The following TENM1 variants were observed in gnomAD, a reference collection of about 807,000 sequenced individuals.
TENM1 encodes teneurin-1.
A neutral mutation model predicts 174.8 loss-of-function variants in TENM1; 35 were observed. The ratio of observed to expected loss-of-function variants is 0.20; its 90% CI spans 0.15 to 0.27. TENM1 has a LOEUF of 0.27. Among genes scored for constraint, TENM1 ranks in the 10% least tolerant of loss-of-function variants. TENM1 has a pLI of 1.00. For synonymous variants in TENM1, 781 were observed against 798.7 expected (o/e 0.98, Z 0.37); for missense variants, 1,633 against 2,130.1 (o/e 0.77, Z 4.59).
chrX:124,395,854 T>C (rs1420418319), intron 27 of TENM1, among the ~76,000 whole-genome samples: 1 of 112,226 alleles, frequency 8.9e-6, no homozygotes, highest in Non-Finnish European at 1.9e-5. Context: ...GTTGTAACTG[T>C]TGCAATTTAT....
At chrX:124,385,716 G>A (rs143283121) in exon 29 of TENM1, 8 of 1,201,253 alleles carry the variant, frequency 6.7e-6, no homozygotes, top group Non-Finnish European at 9.0e-6. Flanking sequence ...AATCCGTCAT[G>A]CATCAGGTGT....
At chrX:124,526,641 G>A (rs1487542679) in intron 16 of TENM1, among the ~76,000 whole-genome samples, 2 of 112,369 alleles carry the variant, frequency 1.8e-5, no homozygotes, top group Non-Finnish European at 3.8e-5. Flanking sequence ...TAAGTCATAT[G>A]AGAGTGGATA....
rs2047704358 is a variant in TENM1, at chrX:124,516,382, A to G, written c.3301+4135T>C. Among the ~76,000 whole-genome samples, 3 of 112,381 alleles carry G rather than the reference A, an allele frequency of 2.7e-5. No homozygotes were observed. The South Asian group carries it at 1.1e-3, about 42-fold the overall frequency. On this transcript the variant is annotated intron_variant, in intron 18 of 31. Coordinates refer to ENST00000422452, the Ensembl canonical transcript of TENM1. Reference sequence around the variant, plus strand: ...TAACAAAATTTAAGAGCTTATGCACAGCAAAAGAAACTATCAAGAGAGTAA... The same window carrying G: ...TAACAAAATTTAAGAGCTTATGCACGGCAAAAGAAACTATCAAGAGAGTAA...
rs190331643 is a variant in TENM1, at chrX:124,835,518, A to G, written c.535+58778T>C. Among the ~76,000 whole-genome samples the G allele has an allele frequency of 5.9e-3, 659 of 111,845 alleles. 3 individuals are homozygous for G. Among genetic ancestry groups the G allele is most frequent in the Non-Finnish European group, 9.6e-3 (513 of 53,193 alleles). ...TAGTTGATATTTATAAATGTTTTATATATGTATTACAAAATGTTAAAATAC... is the reference window on the plus strand; with the variant it reads ...TAGTTGATATTTATAAATGTTTTATGTATGTATTACAAAATGTTAAAATAC... On this transcript the variant is annotated intron_variant, in intron 3 of 31. Coordinates refer to ENST00000422452, the Ensembl canonical transcript of TENM1.
the TENM1 span, among the ~76,000 whole-genome samples, chrX:125,081,627 C>T: frequency 9.0e-6 from 1 of 111,199 alleles, no homozygotes; most frequent in Non-Finnish European, 1.9e-5. Context: ...AATAGAACTA[C>T]CATTGGAGCC....
chrX:124,874,080 T>C (rs374925660), intron 3 of TENM1, among the ~76,000 whole-genome samples: 4 of 111,835 alleles, frequency 3.6e-5, no homozygotes, highest in African/African-American at 9.7e-5. Flanking sequence ...CAAACAGTGC[T>C]AAGTGAATAT....
At chrX:124,709,207 C>T (rs1418769405) in intron 4 of TENM1, among the ~76,000 whole-genome samples, 1 of 111,684 alleles carries the variant, frequency 9.0e-6, no homozygotes, top group East Asian at 2.8e-4. Context: ...TTATTACAGT[C>T]GATATCTCTA....
chrX:125,015,974 C>T, the TENM1 span, among the ~76,000 whole-genome samples: 1 of 111,619 alleles, frequency 9.0e-6, no homozygotes, highest in Middle Eastern at 4.7e-3. Context: ...TCTCAAGGAG[C>T]TCATAGTCCA....
chrX:124,500,524 A>G (rs1183152396), intron 19 of TENM1, among the ~76,000 whole-genome samples: 1 of 111,803 alleles, frequency 8.9e-6, no homozygotes, highest in Non-Finnish European at 1.9e-5. Context: ...AAGGGAATCC[A>G]ATGATCCTAG....
chrX:125,200,282 C>T, the TENM1 span, among the ~76,000 whole-genome samples: 1 of 111,543 alleles, frequency 9.0e-6, no homozygotes, highest in East Asian at 2.8e-4. Flanking sequence ...ATCTAACACT[C>T]AGAAGCTGTA....
the TENM1 span, among the ~76,000 whole-genome samples, chrX:125,156,904 G>T: frequency 8.9e-6 from 1 of 112,485 alleles, no homozygotes; most frequent in Admixed American, 9.4e-5. Context: ...GCTCTCTACC[G>T]ATTCTAGAGA....
the TENM1 span, among the ~76,000 whole-genome samples, chrX:125,074,931 G>A: frequency 8.9e-6 from 1 of 112,050 alleles, no homozygotes; most frequent in East Asian, 2.8e-4. Context: ...ACTGTTAGTT[G>A]AGCATTTATT....
intron 20 of TENM1, among the ~76,000 whole-genome samples, chrX:124,495,643 C>T (rs184476045): frequency 0.032 from 3,464 of 109,408 alleles, 49 homozygotes; most frequent in East Asian, 0.095. Flanking sequence ...TTTTATGGTG[C>T]TAGGAATCCA....
the TENM1 span, among the ~76,000 whole-genome samples, chrX:125,183,369 T>C: frequency 8.5e-3 from 954 of 111,815 alleles, 10 homozygotes; most frequent in African/African-American, 0.028. Context: ...TGGTTATTTG[T>C]TCTCAGGCAC....
At chrX:125,173,506 A>G in the TENM1 span, among the ~76,000 whole-genome samples, 29 of 111,104 alleles carry the variant, frequency 2.6e-4, no homozygotes, top group African/African-American at 9.1e-4. Context: ...CTGGGAATCC[A>G]TCAGTGTTAA....
At chrX:124,395,851 CTG>C (rs891482180) in intron 27 of TENM1, among the ~76,000 whole-genome samples, 9 of 112,090 alleles carry the variant, frequency 8.0e-5, no homozygotes, top group Non-Finnish European at 1.7e-4. Context: ...ATGGTTGTAA[CTG>C]TTGCAATTTA....
At position 124,903,281 on chromosome X, in the gene TENM1, CT is replaced by C. The variant is rs373627417; in HGVS notation, c.218-7041del. On this transcript the variant is annotated intron_variant, in intron 1 of 31. Coordinates refer to ENST00000422452, the Ensembl canonical transcript of TENM1. ...AAAGCCTGAAGTAGAAACATTCATG[CT>C]TTGTGACCAATATTAGCTAACTGGA... 4.7e-3 allele frequency among the ~76,000 whole-genome samples: 524 copies of C among 111,743 alleles called. 1 individual carries two copies. Among genetic ancestry groups the C allele is most frequent in the African/African-American group, 0.016 (498 of 30,815 alleles).
At chrX:124,552,002 G>A (rs1476167498) in intron 14 of TENM1, among the ~76,000 whole-genome samples, 3 of 111,898 alleles carry the variant, frequency 2.7e-5, no homozygotes, top group African/African-American at 9.8e-5. Flanking sequence ...ACTATGCTTG[G>A]TTAGGTTGTC....
At chrX:124,879,571 A>T (rs1007388881) in intron 3 of TENM1, among the ~76,000 whole-genome samples, 2 of 112,255 alleles carry the variant, frequency 1.8e-5, no homozygotes, top group Non-Finnish European at 3.8e-5. Flanking sequence ...ATAGTGCTGC[A>T]ATAATCATGG....
Sources: gnomAD v4.1 joint callset for allele counts (sites outside exome capture counted in the v4.1 genomes callset) on GRCh38, gnomAD v4.1.1 for gene constraint, MANE v1.5 for transcripts, NCBI Gene and HGNC (gene_info 2026-07-23, HGNC 2026-07-21) for gene names.